Variants in NOS1 observed in about 807,000 individuals in gnomAD.
The protein encoded by NOS1 is NOS type I.
In NOS1, 51 loss-of-function variants were observed where a neutral mutation model predicts 164.5. The observed-to-expected ratio is 0.31, with a 90% CI of 0.25 to 0.39. The LOEUF (loss-of-function observed/expected upper bound fraction) is 0.39, where lower values mean the gene tolerates loss of function less well. Ranked by LOEUF, NOS1 falls within the 10% of genes least tolerant of loss-of-function variation. The pLI is 1.00. For synonymous variants in NOS1, 719 were observed against 745.8 expected (o/e 0.96, Z 0.59); for missense variants, 1,362 against 1,885.6 (o/e 0.72, Z 5.14).
intron 1 of NOS1, among the ~76,000 whole-genome samples, chr12:117,360,318 C>T (rs1877074994): frequency 6.6e-6 from 1 of 152,112 alleles, no homozygotes; most frequent in Admixed American, 6.5e-5. Flanking sequence ...GAGCCCCTTC[C>T]GGGACCTCGG....
intron 1 of NOS1, among the ~76,000 whole-genome samples, chr12:117,338,985 C>T (rs184397549): frequency 7.6e-4 from 116 of 152,260 alleles, no homozygotes; most frequent in African/African-American, 2.6e-3. Flanking sequence ...ACCCCCAACA[C>T]AAACAAAAGA....
At chr12:117,242,596 T>C (rs2135954152) in intron 20 of NOS1, 31 bp downstream of exon 20, 1 of 1,580,550 alleles carries the variant, frequency 6.3e-7, no homozygotes, top group East Asian at 2.2e-5. Context: ...GGAGAAGACG[T>C]AGGTAACCCA....
chr12:117,252,283 G>C (rs1871159161), intron 17 of NOS1, among the ~76,000 whole-genome samples: 1 of 152,132 alleles, frequency 6.6e-6, no homozygotes, highest in Non-Finnish European at 1.5e-5. Flanking sequence ...CGGGTTCAAA[G>C]GTAATGTTTT....
At chr12:117,316,705 CA>C (rs1874685299) in intron 2 of NOS1, among the ~76,000 whole-genome samples, 3 of 152,240 alleles carry the variant, frequency 2.0e-5, no homozygotes, top group South Asian at 4.1e-4. Context: ...ACTGTTATCC[CA>C]GCTGAGAGTC....
rs1201682770 is a variant in NOS1, at chr12:117,272,651, A to C, written c.1665-92T>G. ...AGAGATGCTGAAATGCCAAGGATGGACTGGGACTGACAAGGTCAGAATATG... is the reference window on the plus strand; with the variant it reads ...AGAGATGCTGAAATGCCAAGGATGGCCTGGGACTGACAAGGTCAGAATATG... On this transcript the variant is annotated intron_variant, in intron 9 of 28. Transcript: ENST00000317775. This position sits in a 1 kb window ranked among gnomAD's most constrained non-coding sequence, Gnocchi z 4.3. 2.4e-6 allele frequency: 3 copies of C among 1,226,282 alleles called. No homozygotes were observed. Among genetic ancestry groups the C allele is most frequent in the Non-Finnish European group, 3.5e-6 (3 of 867,696 alleles). 76.0% of individuals were successfully genotyped at this position (1,226,282 alleles called of 1,614,324 possible). A position where few individuals can be genotyped will look rare whatever the true frequency, so the allele number is the denominator to read the frequency against.
chr12:117,263,629 C>A (rs1872124410), intron 13 of NOS1, among the ~76,000 whole-genome samples: 1 of 149,744 alleles, frequency 6.7e-6, no homozygotes, highest in Non-Finnish European at 1.5e-5. Flanking sequence ...ATTAGGAGGG[C>A]TGGTTCACCA....
At chr12:117,350,434 C>T (rs1020718298) in intron 1 of NOS1, among the ~76,000 whole-genome samples, 2 of 152,202 alleles carry the variant, frequency 1.3e-5, no homozygotes, top group African/African-American at 4.8e-5. Context: ...TAGGACTCCA[C>T]CCTACAATTT....
chr12:117,349,586 A>G (rs9658262), intron 1 of NOS1, among the ~76,000 whole-genome samples: 3 of 152,246 alleles, frequency 2.0e-5, no homozygotes, highest in Admixed American at 6.5e-5. Flanking sequence ...CATGAATTTT[A>G]CCTCAATGAA....
chr12:117,237,505 A>G (rs1320933035), intron 20 of NOS1, among the ~76,000 whole-genome samples: 1 of 152,052 alleles, frequency 6.6e-6, no homozygotes, highest in African/African-American at 2.4e-5. Flanking sequence ...GGAAGAGGCA[A>G]TGGAACAGCA....
intron 13 of NOS1, among the ~76,000 whole-genome samples, chr12:117,263,474 A>G (rs1872105971): frequency 6.6e-6 from 1 of 152,022 alleles, no homozygotes; most frequent in African/African-American, 2.4e-5. Context: ...AGCCTGGGGA[A>G]CAGACCCTAT....
At chr12:117,305,432 C>G (rs908900788) in intron 3 of NOS1, among the ~76,000 whole-genome samples, 4 of 148,592 alleles carry the variant, frequency 2.7e-5, no homozygotes, top group African/African-American at 9.9e-5. Flanking sequence ...TCATTGCACT[C>G]TTGCCTGGGC....
At chr12:117,313,047 G>A (rs1274298910) in intron 2 of NOS1, among the ~76,000 whole-genome samples, 1 of 151,756 alleles carries the variant, frequency 6.6e-6, no homozygotes, top group Non-Finnish European at 1.5e-5. Flanking sequence ...CACCCTCATC[G>A]TTATCATCCT....
chr12:117,256,543 G>A (rs1418981961), intron 16 of NOS1, among the ~76,000 whole-genome samples: 1 of 151,434 alleles, frequency 6.6e-6, no homozygotes, highest in African/African-American at 2.4e-5. Flanking sequence ...CTCCCAAAAT[G>A]CTGGGATTAC....
At chr12:117,337,520 C>T (rs1386228954) in intron 1 of NOS1, among the ~76,000 whole-genome samples, 1 of 152,138 alleles carries the variant, frequency 6.6e-6, no homozygotes, top group Non-Finnish European at 1.5e-5. Flanking sequence ...GACCGTTGTT[C>T]TTTCTGTAGC....
intron 5 of NOS1, 57 bp downstream of exon 5, chr12:117,288,017 T>C: frequency 6.2e-7 from 1 of 1,604,002 alleles, no homozygotes; most frequent in Non-Finnish European, 8.5e-7. Context: ...GGCTGACATC[T>C]TTCTCTCCAG....
chr12:117,335,835 T>C (rs57539554), intron 1 of NOS1, among the ~76,000 whole-genome samples: 60 of 147,472 alleles, frequency 4.1e-4, no homozygotes, highest in African/African-American at 1.5e-3. Flanking sequence ...CCTCTTGCCT[T>C]AGTCTCCCGA....
chr12:117,269,464 GTT>G (rs1164630635), intron 10 of NOS1, among the ~76,000 whole-genome samples: 427 of 118,376 alleles, frequency 3.6e-3, no homozygotes, highest in South Asian at 7.7e-3. Context: ...CTGGAGATTT[GTT>G]TTTTTTTTTT....
chr12:117,219,951 T>G, intron 27 of NOS1, 124 bp downstream of exon 27: 1 of 906,518 alleles, frequency 1.1e-6, no homozygotes, highest in Admixed American at 2.3e-5. Context: ...CAGTGGTAAG[T>G]GCAACGAATG....
At chr12:117,341,606 G>A (rs371036691) in intron 1 of NOS1, among the ~76,000 whole-genome samples, 1 of 152,136 alleles carries the variant, frequency 6.6e-6, no homozygotes, top group Non-Finnish European at 1.5e-5. Flanking sequence ...ATCCATGGAC[G>A]CTTCAGTGGC....
Sources: gnomAD v4.1 joint callset for allele counts (sites outside exome capture counted in the v4.1 genomes callset) on GRCh38, gnomAD v4.1.1 for gene constraint, Gnocchi (gnomAD v3.1) non-coding constraint, MANE v1.5 for transcripts, NCBI Gene and HGNC (gene_info 2026-07-23, HGNC 2026-07-21) for gene names.